The following ATP2C2 variants were observed in gnomAD, a reference collection of about 807,000 sequenced individuals.
ATP2C2 encodes the protein calcium-transporting ATPase type 2C member 2.
A neutral mutation model predicts 110.8 loss-of-function variants in ATP2C2; 171 were observed. The ratio of observed to expected loss-of-function variants is 1.54; its 90% CI spans 1.36 to 1.75. ATP2C2 has a LOEUF of 1.75. Among genes scored for constraint, ATP2C2 ranks in the 40% most tolerant of loss-of-function variants. ATP2C2 has a pLI of 0.00. For synonymous variants in ATP2C2, 804 were observed against 508.4 expected (o/e 1.58, Z -7.82); for missense variants, 1,963 against 1,235.0 (o/e 1.59, Z -8.84).
chr16:84,432,360 TG>T (rs1908355342), intron 11 of ATP2C2, among the ~76,000 whole-genome samples: 1 of 152,176 alleles, frequency 6.6e-6, no homozygotes, highest in Non-Finnish European at 1.5e-5. Context: ...GGTGGTTTGC[TG>T]CACCTACCAA....
intron 1 of ATP2C2, among the ~76,000 whole-genome samples, chr16:84,394,011 T>A (rs9674107): frequency 0.6 from 69,744 of 116,094 alleles, 17,638 homozygotes; most frequent in Non-Finnish European, 0.64. Context: ...CCAAAAAAAA[T>A]AAAAAAATAA....
At chr16:84,370,257 C>T (rs1207741801) in intron 1 of ATP2C2, among the ~76,000 whole-genome samples, 5 of 152,270 alleles carry the variant, frequency 3.3e-5, no homozygotes, top group East Asian at 1.9e-4. Flanking sequence ...GGTGTTCAGC[C>T]GGTCTGTCAG....
intron 17 of ATP2C2, among the ~76,000 whole-genome samples, chr16:84,449,066 A>C (rs780239125): frequency 8.5e-5 from 13 of 152,128 alleles, no homozygotes; most frequent in Non-Finnish European, 1.8e-4. Context: ...AGCCATTTTC[A>C]ATTTTCTGCA....
At chr16:84,402,094 G>C (rs1015573045) in intron 2 of ATP2C2, among the ~76,000 whole-genome samples, 2 of 151,842 alleles carry the variant, frequency 1.3e-5, no homozygotes, top group African/African-American at 4.8e-5. Context: ...TGGTAAATGG[G>C]ATTACTTAAT....
At chr16:84,438,504 G>C (rs1000486974) in intron 11 of ATP2C2, among the ~76,000 whole-genome samples, 1 of 152,198 alleles carries the variant, frequency 6.6e-6, no homozygotes, top group Non-Finnish European at 1.5e-5. Flanking sequence ...TCATTTCCAA[G>C]AGAGCATCTC....
chr16:84,459,091 C>G (rs201040182), intron 21 of ATP2C2, 29 bp from the exon 22 acceptor site: 5 of 1,613,284 alleles, frequency 3.1e-6, no homozygotes, highest in Non-Finnish European at 4.2e-6. Context: ...AGGCCCGCTC[C>G]GTGAGTAAAT....
At chr16:84,402,291 T>G (rs559208346) in intron 2 of ATP2C2, among the ~76,000 whole-genome samples, 7 of 152,364 alleles carry the variant, frequency 4.6e-5, no homozygotes, top group African/African-American at 1.7e-4. Context: ...CTTCTTCCTT[T>G]CCAATTTGGA....
At chr16:84,434,080 A>C (rs1189441886) in intron 11 of ATP2C2, among the ~76,000 whole-genome samples, 1 of 152,198 alleles carries the variant, frequency 6.6e-6, no homozygotes, top group African/African-American at 2.4e-5. Context: ...CAAAATAAGT[A>C]AAATGAGAGA....
intron 23 of ATP2C2, chr16:84,460,447 T>C (rs1911185337): frequency 1.5e-6 from 1 of 680,800 alleles, no homozygotes; most frequent in Non-Finnish European, 2.6e-6. Flanking sequence ...GCGGGACAGA[T>C]GGAGGGGCAC....
At position 84,459,110 on chromosome 16, in the gene ATP2C2, T is replaced by G. The variant is rs1910984219; in HGVS notation, c.2148-10T>G. On this transcript the variant is annotated splice_polypyrimidine_tract_variant and intron_variant, in intron 21 of 26. Coordinates refer to ENST00000262429, the MANE Select transcript of ATP2C2 (RefSeq NM_014861.4). ...CCGCTCCGTGAGTAAATGGCTCTCT[T>G]CTCTTGCAGGAATGCAGTGGAGGAA... The G allele has an allele frequency of 1.2e-6, 2 of 1,614,054 alleles. No homozygotes were observed. The highest frequency in any genetic ancestry group is 1.7e-6 in the Non-Finnish European group (2 of 1,179,994).
chr16:84,381,232 T>C (rs918638101), intron 1 of ATP2C2, among the ~76,000 whole-genome samples: 1 of 152,172 alleles, frequency 6.6e-6, no homozygotes, highest in East Asian at 1.9e-4. Context: ...ACAAAGTACA[T>C]TGATCAGTTA....
chr16:84,463,780 G>T lies in ATP2C2; in HGVS notation c.*48G>T. On this transcript the variant is annotated 3_prime_UTR_variant, in exon 27 of 27. Transcript: ENST00000262429. The stretch of plus-strand genomic sequence containing the variant: ...TCCCTAATCATCTCGATCTGGTTGT[G>T]ACTGTGGCCCCTGCCGTGTCTCCTC... 6.6e-7 allele frequency: 1 copy of T among 1,514,484 alleles called. No homozygotes were observed. The highest frequency in any genetic ancestry group is 1.1e-5 in the South Asian group (1 of 88,942). 93.8% of individuals were successfully genotyped at this position (1,514,484 alleles called of 1,614,324 possible).
chr16:84,408,813 A>G (rs888592051), intron 4 of ATP2C2, among the ~76,000 whole-genome samples: 1 of 152,022 alleles, frequency 6.6e-6, no homozygotes, highest in Non-Finnish European at 1.5e-5. Flanking sequence ...CTTCCGAAGA[A>G]CAACACCTTT....
chr16:84,437,518 A>G (rs1182987035), intron 11 of ATP2C2, among the ~76,000 whole-genome samples: 1 of 151,150 alleles, frequency 6.6e-6, no homozygotes. Context: ...GCCTTAGAAC[A>G]TTTTCTTTTT....
At chr16:84,421,558 C>T (rs1448518935) in intron 7 of ATP2C2, among the ~76,000 whole-genome samples, 1 of 152,110 alleles carries the variant, frequency 6.6e-6, no homozygotes, top group Non-Finnish European at 1.5e-5. Flanking sequence ...GGGATAGGCC[C>T]ACCCAGCCCC....
chr16:84,418,253 A>G (rs1294238546), intron 7 of ATP2C2, among the ~76,000 whole-genome samples: 1 of 152,188 alleles, frequency 6.6e-6, no homozygotes, highest in African/African-American at 2.4e-5. Flanking sequence ...CTCTGTCTTC[A>G]GGCTCGGCCT....
chr16:84,449,951 A>C (rs1910105543), intron 17 of ATP2C2, among the ~76,000 whole-genome samples: 1 of 152,194 alleles, frequency 6.6e-6, no homozygotes, highest in Non-Finnish European at 1.5e-5. Flanking sequence ...TGCCTGTGTG[A>C]GGCCACGCCC....
intron 11 of ATP2C2, among the ~76,000 whole-genome samples, chr16:84,431,928 G>A (rs1182068652): frequency 2.6e-5 from 4 of 152,106 alleles, no homozygotes; most frequent in Non-Finnish European, 4.4e-5. Context: ...GGAGCAGGAC[G>A]CCGAGCTGTG....
intron 6 of ATP2C2, among the ~76,000 whole-genome samples, chr16:84,414,706 C>T (rs910673457): frequency 1.3e-5 from 2 of 152,132 alleles, no homozygotes; most frequent in African/African-American, 2.4e-5. Context: ...TCTGCTCCTG[C>T]ATTTGAGGTC....
Sources: gnomAD v4.1 joint callset for allele counts (sites outside exome capture counted in the v4.1 genomes callset) on GRCh38, gnomAD v4.1.1 for gene constraint, MANE v1.5 for transcripts, NCBI Gene and HGNC (gene_info 2026-07-23, HGNC 2026-07-21) for gene names.